Variants in AGRN observed in about 807,000 individuals in gnomAD.
AGRN encodes agrin.
AGRN carries 106 observed loss-of-function variants against 211.0 expected under a neutral mutation model. That is an observed-to-expected ratio of 0.50 (90% CI 0.43 to 0.59). The LOEUF is 0.59. Ranked by LOEUF, AGRN falls within the 20% of genes least tolerant of loss-of-function variation. AGRN has a pLI of 0.00. For missense variants in AGRN, 3,040 were observed against 2,982.6 expected (o/e 1.02, Z -0.45); for synonymous variants, 1,525 against 1,332.5 (o/e 1.14, Z -3.15).
intron 32 of AGRN, 30 bp downstream of exon 32, chr1:1,051,675 G>A: frequency 6.2e-7 from 1 of 1,612,972 alleles, no homozygotes; most frequent in Non-Finnish European, 8.5e-7. Flanking sequence ...GGGGGCGGAG[G>A]CCGGATGGGC....
At chr1:1,053,385 C>A in intron 33 of AGRN, 1 of 1,252,524 alleles carries the variant, frequency 8.0e-7, no homozygotes, top group Non-Finnish European at 1.0e-6. Flanking sequence ...TCCTTGCACC[C>A]CACAGTGTTG....
Position 1,044,008 on chromosome 1 carries a change from G to T in AGRN, c.1984G>T (p.Gly662Trp). The change falls in exon 10 of 36, where the codon GGG becomes TGG. Residue 662 changes from glycine (G) to tryptophan (W), a missense_variant. This residue lies in a region of AGRN where 1,498 missense variants were observed against 1,457.8 expected (regional missense o/e 1.03). Coordinates refer to ENST00000379370, the MANE Select transcript of AGRN (RefSeq NM_198576.4). ...QQTQIEEARAGPCEQAECGSG... is the reference protein window; with the variant it reads ...QQTQIEEARAWPCEQAECGSG... ...GACACAGATCGAGGAGGCCCGGGCA[G>T]GGCCGTGCGAGCAGGGTAGGCCGGG... 1 of 1,608,304 alleles carries T rather than the reference G, an allele frequency of 6.2e-7. No homozygotes were observed.
Position 1,046,130 on chromosome 1 carries a change from C to T in AGRN, c.2806-30C>T, listed in dbSNP as rs140837154. ...GTGAAGGGGAGTGGGGAGGAGGCCT[C>T]GCCTTGAACATCCTTGTTCTCTGCC... On this transcript the variant is annotated intron_variant, in intron 16 of 35. Transcript: ENST00000379370. 2.2e-4 allele frequency: 361 copies of T among 1,613,946 alleles called. 2 individuals are homozygous for T. The African/African-American group carries it at 3.7e-3, about 17-fold the overall frequency.
At position 1,046,176 on chromosome 1, in the gene AGRN, G is replaced by T. The variant is rs1645086662; in HGVS notation, c.2822G>T (p.Gly941Val). 1 of 1,613,754 alleles carries T rather than the reference G, an allele frequency of 6.2e-7. No individual in the cohort carries two copies. The highest frequency in any genetic ancestry group is 8.5e-7 in the Non-Finnish European group (1 of 1,180,002). Residue 941 changes from glycine (G) to valine (V), a missense_variant, in exon 17 of 36, where the codon GGA (glycine) becomes GTA (valine). Physicochemically the swap from Gly to Val is moderately radical, Grantham distance 109. Coordinates refer to ENST00000379370, the MANE Select transcript of AGRN (RefSeq NM_198576.4). ...ANATKVCGSD[G>V]VTYGNECQLK... ...CTGCCCCAGGTCTGTGGGTCAGATG[G>T]AGTCACATACGGCAACGAGTGTCAG...
At position 1,046,599 on chromosome 1, in the gene AGRN, G is replaced by A. The variant is rs752734910; in HGVS notation, c.3114G>A (p.Val1038=). The A allele has an allele frequency of 6.2e-7, 1 of 1,605,670 alleles. No homozygotes were observed. Among genetic ancestry groups the A allele is most frequent in the East Asian group, 2.2e-5 (1 of 44,844 alleles). ...ASVPRTTVWP[V]LTVPPTAPSP... ...TCCCCAGGACCACCGTGTGGCCCGT[G>A]CTGACGGTGCCCCCCACGGCACCCT... Residue 1038 remains valine (V), a synonymous_variant, in exon 18 of 36, where the codon GTG becomes GTA. Coordinates refer to ENST00000379370, the MANE Select transcript of AGRN (RefSeq NM_198576.4).
intron 34 of AGRN, 135 bp downstream of exon 34, chr1:1,054,112 T>A: frequency 1.0e-6 from 1 of 979,770 alleles, no homozygotes; most frequent in Middle Eastern, 3.1e-4. Flanking sequence ...TCACTGCCAG[T>A]GGGAGGAGGA....
At chr1:1,027,108 A>T (rs1381595913) in intron 2 of AGRN, among the ~76,000 whole-genome samples, 2 of 152,116 alleles carry the variant, frequency 1.3e-5, no homozygotes, top group African/African-American at 4.8e-5. Flanking sequence ...GGACCTGGGA[A>T]AGGGAGACGG....
Position 1,055,046 on chromosome 1 carries a change from A to T in AGRN, c.*65A>T. On this transcript the variant is annotated 3_prime_UTR_variant, in exon 36 of 36. Coordinates refer to ENST00000379370, the MANE Select transcript of AGRN (RefSeq NM_198576.4). The stretch of plus-strand genomic sequence containing the variant: ...ATTTTTGTAAACTTGTTGCTTTTTG[A>T]TATGATTTTCTTGCCTGAGTGTTGG... The T allele has an allele frequency of 1.3e-6, 2 of 1,536,844 alleles. No individual in the cohort carries two copies. Among genetic ancestry groups the T allele is most frequent in the Non-Finnish European group, 8.7e-7 (1 of 1,145,314 alleles).
At position 1,047,936 on chromosome 1, in the gene AGRN, C is replaced by T. The variant is rs771209619; in HGVS notation, c.3751+41C>T. 14 of 1,597,880 alleles carry T rather than the reference C, an allele frequency of 8.8e-6. No homozygotes were observed. The South Asian group carries it at 1.4e-4, about 15-fold the overall frequency. On this transcript the variant is annotated intron_variant, in intron 22 of 35. Transcript: ENST00000379370. ...CGAGCCACAGCTTACCTGCCCCCTC[C>T]TCTGCCCATGCCCCTGCCCCTCACC...
chr1:1,040,689 T>G lies in AGRN; in HGVS notation c.536T>G (p.Phe179Cys). Reference protein sequence around the residue: ...PDACRGMLCGFGAVCEPNAEG... With the variant: ...PDACRGMLCGCGAVCEPNAEG... ...GCGTGCCGGGGAATGCTGTGCGGCT[T>G]CGGCGCCGTGTGCGAGCCCAACGCG... The change falls in exon 4 of 36, where the codon TTC (phenylalanine) becomes TGC (cysteine). Residue 179 changes from phenylalanine to cysteine, a missense_variant. Around this residue, in one of 3 missense-constraint regions of AGRN, gnomAD observed 1,498 missense variants for 1,457.8 expected, o/e 1.03. Coordinates refer to ENST00000379370, the MANE Select transcript of AGRN (RefSeq NM_198576.4). 6.5e-7 allele frequency: 1 copy of G among 1,547,456 alleles called. No individual in the cohort carries two copies. Among genetic ancestry groups the G allele is most frequent in the Non-Finnish European group, 8.7e-7 (1 of 1,146,496 alleles).
intron 3 of AGRN, among the ~76,000 whole-genome samples, chr1:1,039,055 T>C (rs982021553): frequency 6.6e-6 from 1 of 152,174 alleles, no homozygotes; most frequent in East Asian, 1.9e-4. Flanking sequence ...AACCCCACAA[T>C]CCTGGGAGGT....
chr1:1,022,055 G>A (rs1395580228), intron 1 of AGRN, 146 bp from the exon 2 acceptor site: 8 of 1,031,364 alleles, frequency 7.8e-6, no homozygotes, highest in Non-Finnish European at 1.0e-5. Context: ...CCCAGCTTCC[G>A]CCCAGCGGGC....
chr1:1,022,861 G>A (rs1056377577), intron 2 of AGRN, among the ~76,000 whole-genome samples: 11 of 152,366 alleles, frequency 7.2e-5, no homozygotes, highest in South Asian at 4.1e-4. Flanking sequence ...AGCACTCCTC[G>A]CCGTGGAGAT....
At chr1:1,033,753 A>T (rs1349669094) in intron 2 of AGRN, among the ~76,000 whole-genome samples, 1 of 105,480 alleles carries the variant, frequency 9.5e-6, no homozygotes, top group Admixed American at 9.9e-5. Context: ...CCCCAGCCTC[A>T]GCCACCCCAG....
intron 2 of AGRN, chr1:1,034,425 C>CT: frequency 1.0e-6 from 1 of 985,798 alleles, no homozygotes; most frequent in South Asian, 4.7e-5. Flanking sequence ...TGGGTGAACT[C>CT]TGAGGGCACA....
In AGRN at chr1:1,040,845, A is replaced by G; in HGVS notation, c.692A>G (p.Gln231Arg). The change falls in exon 4 of 36, where the codon CAG becomes CGG. Residue 231 changes from glutamine (Q) to arginine (R), a missense_variant. This residue lies in a region of AGRN where 1,498 missense variants were observed against 1,457.8 expected (regional missense o/e 1.03). Coordinates refer to ENST00000379370, the MANE Select transcript of AGRN (RefSeq NM_198576.4). Reference protein sequence around the residue: ...CELQRAQCSQQRRIRLLSRGP... With the variant: ...CELQRAQCSQRRRIRLLSRGP... The stretch of plus-strand genomic sequence containing the variant: ...CTGCAGCGGGCGCAGTGCAGCCAGC[A>G]GCGCCGCATCCGCCTGCTCAGCCGC... 1 of 1,531,786 alleles carries G rather than the reference A, an allele frequency of 6.5e-7. No homozygotes were observed. Among genetic ancestry groups the G allele is most frequent in the Non-Finnish European group, 8.7e-7 (1 of 1,145,596 alleles). The allele number at this position is 1,531,786 out of a possible 1,614,324, so 94.9% of individuals were successfully genotyped here. A position where few individuals can be genotyped will look rare whatever the true frequency, so the allele number is the denominator to read the frequency against.
intron 1 of AGRN, among the ~76,000 whole-genome samples, chr1:1,021,783 C>T (rs1192577397): frequency 1.3e-5 from 2 of 152,264 alleles, no homozygotes; most frequent in African/African-American, 4.8e-5. Flanking sequence ...AAGCTGGCCC[C>T]TTACCCCAAC....
rs750116279 is a variant in AGRN at position 1,048,885 on chromosome 1, C to T, written c.4124C>T (p.Pro1375Leu). 3.7e-5 allele frequency: 57 copies of T among 1,541,708 alleles called. 1 individual carries two copies. The highest frequency in any genetic ancestry group is 2.5e-4 in the South Asian group (21 of 84,110). The change falls in exon 24 of 36, where the codon CCG becomes CTG. Residue 1375 changes from proline to leucine, a missense_variant. Physicochemically the swap from Pro to Leu is moderately conservative, Grantham distance 98. Transcript: ENST00000379370. The surrounding 1 kb of genome is among the most constrained non-coding windows in gnomAD (Gnocchi z 5.9). ...TTTGCAGTGCTTGGCGCCCCTGTGC[C>T]GGCCTTCGAGGGCCGCTCCTTCCTG... ...VCEKVLGAPV[P>L]AFEGRSFLAF...
chr1:1,020,641 C>T (rs1644376577), intron 1 of AGRN, among the ~76,000 whole-genome samples: 1 of 152,158 alleles, frequency 6.6e-6, no homozygotes, highest in Non-Finnish European at 1.5e-5. Context: ...GCGGCTGCCG[C>T]GCGCCCTCCC....
Sources: allele counts gnomAD v4.1 joint callset (sites outside exome capture counted in the v4.1 genomes callset), GRCh38; gene constraint gnomAD v4.1.1; regional missense constraint gnomAD v4.1.1; non-coding constraint Gnocchi (gnomAD v3.1); transcripts MANE v1.5; gene names NCBI Gene and HGNC (gene_info 2026-07-23, HGNC 2026-07-21).